Variants in LRP1 observed in about 807,000 individuals in gnomAD.
The protein encoded by LRP1 is prolow-density lipoprotein receptor-related protein 1.
Under a neutral mutation model 541.5 loss-of-function variants are expected in LRP1, and 51 were observed. That is an observed-to-expected ratio of 0.09 (90% CI 0.08 to 0.12). LRP1 has a LOEUF of 0.12. LRP1 is among the 10% of genes least tolerant of loss of function. The probability of loss-of-function intolerance (pLI) is 1.00; values close to 1 mark genes in which losing one functional copy is unlikely to be tolerated. For missense variants in LRP1, 3,878 were observed against 6,376.2 expected, an observed-to-expected ratio of 0.61 and a Z score of 13.34; for synonymous variants, 2,219 against 2,470.8, an observed-to-expected ratio of 0.90 and a Z score of 3.02.
chr12:57,184,757 C>A lies in LRP1; in HGVS notation c.6187-82C>A. 6.8e-7 allele frequency: 1 copy of A among 1,476,118 alleles called. No homozygotes were observed. Among genetic ancestry groups the A allele is most frequent in the Non-Finnish European group, 9.2e-7 (1 of 1,083,572 alleles). The allele number at this position is 1,476,118 out of a possible 1,614,324, so 91.4% of individuals were successfully genotyped here. ...GGCTGAACTGAGGGCCTCACTCTGG[C>A]CCAGGCACTCCCTGCTGCCCCAGAC... is the stretch of plus-strand genomic sequence containing the variant. On this transcript the variant is annotated intron_variant, in intron 38 of 88. Transcript: ENST00000243077. The surrounding 1 kb of genome is among the most constrained non-coding windows in gnomAD (Gnocchi z 7.8).
chr12:57,156,355 C>A lies in LRP1; in HGVS notation c.1417+72C>A. 1 of 1,482,916 alleles carries A rather than the reference C, an allele frequency of 6.7e-7. No individual in the cohort carries two copies. The highest frequency in any genetic ancestry group is 9.2e-7 in the Non-Finnish European group (1 of 1,089,144). 91.9% of individuals were successfully genotyped at this position (1,482,916 alleles called of 1,614,324 possible). Reference sequence around the variant, plus strand: ...TGGCTCTGGGACCTTGGGATCACAGCCCCTCTCTGGGCCCTCCTGTGGGGA... The same window carrying A: ...TGGCTCTGGGACCTTGGGATCACAGACCCTCTCTGGGCCCTCCTGTGGGGA... On this transcript the variant is annotated intron_variant, in intron 9 of 88. Coordinates refer to ENST00000243077, the MANE Select transcript of LRP1 (RefSeq NM_002332.3). The surrounding 1 kb of genome is among the most constrained non-coding windows in gnomAD (Gnocchi z 5.2).
Position 57,204,725 on chromosome 12 carries a change from G to A in LRP1, c.11170G>A (p.Asp3724Asn). The stretch of plus-strand genomic sequence containing the variant: ...ATGCGATGGCACGGACAACTGTGGG[G>A]ATGGGACTGATGAAGAGGACTGTGG... Reference protein sequence around the residue: ...RQCDGTDNCGDGTDEEDCEPP... With the variant: ...RQCDGTDNCGNGTDEEDCEPP... Residue 3724 changes from aspartate to asparagine, a missense_variant, in exon 72 of 89, where the codon GAT becomes AAT. Physicochemically the swap from Asp to Asn is conservative, Grantham distance 23 (BLOSUM62 1). Coordinates refer to ENST00000243077, the MANE Select transcript of LRP1 (RefSeq NM_002332.3). This position sits in a 1 kb window ranked among gnomAD's most constrained non-coding sequence, Gnocchi z 5.3. 1.2e-6 allele frequency: 2 copies of A among 1,614,080 alleles called. No individual in the cohort carries two copies. The highest frequency in any genetic ancestry group is 2.2e-5 in the South Asian group (2 of 91,088).
At position 57,195,116 on chromosome 12, in the gene LRP1, A is replaced by T; in HGVS notation, c.8308+15A>T. On this transcript the variant is annotated intron_variant, in intron 51 of 88. Transcript: ENST00000243077. ...TGCTCACTGTGGTAAGGAAGCTGGG[A>T]TTGGGCCGGGGGAGGTGCCCCAGGG... 1 of 1,610,792 alleles carries T rather than the reference A, an allele frequency of 6.2e-7. No individual in the cohort carries two copies. The highest frequency in any genetic ancestry group is 8.5e-7 in the Non-Finnish European group (1 of 1,177,292).
chr12:57,179,492 G>A lies in LRP1; in HGVS notation c.4902G>A (p.Val1634=). 1 of 1,614,216 alleles carries A rather than the reference G, an allele frequency of 6.2e-7. No homozygotes were observed. Among genetic ancestry groups the A allele is most frequent in the Non-Finnish European group, 8.5e-7 (1 of 1,180,030 alleles). The change falls in exon 29 of 89, where the codon GTG becomes GTA. Residue 1634 remains valine (V), a synonymous_variant. Coordinates refer to ENST00000243077, the MANE Select transcript of LRP1 (RefSeq NM_002332.3). The surrounding 1 kb of genome is among the most constrained non-coding windows in gnomAD (Gnocchi z 6.8). ...AGCAGCGTGTGTACTGGTCTGACGT[G>A]CGGACACAGGCCATCAAGCGGGCCT... ...AREQRVYWSD[V]RTQAIKRAFI... is the part of the protein sequence containing the mutation.
chr12:57,160,115 T>G (rs1365262144), intron 12 of LRP1, 110 bp downstream of exon 12: 7 of 1,094,718 alleles, frequency 6.4e-6, no homozygotes, highest in Non-Finnish European at 9.3e-6. Context: ...GGCGGGATAC[T>G]TTAGCAGGAA....
rs780761087 is a variant in LRP1 at position 57,145,454 on chromosome 12, G to A, written c.805G>A (p.Asp269Asn). The A allele has an allele frequency of 1.4e-5, 22 of 1,614,072 alleles. No homozygotes were observed. In the South Asian group the frequency reaches 2.2e-4, roughly 16 times the overall value. The change falls in exon 6 of 89, where the codon GAT becomes AAT. Residue 269 changes from aspartate to asparagine, a missense_variant. Transcript: ENST00000243077. ...CATGCCTGGCCTAAAGGGCTTCGTGGATGAGCACACCATCAACATCTCCCT... is the reference window on the plus strand; with the variant it reads ...CATGCCTGGCCTAAAGGGCTTCGTGAATGAGCACACCATCAACATCTCCCT... ...ARMPGLKGFV[D>N]EHTINISLSL...
rs1275670738 is a variant in LRP1 at position 57,200,491 on chromosome 12, C to A, written c.10064C>A (p.Thr3355Asn). The A allele has an allele frequency of 3.7e-6, 6 of 1,613,414 alleles. No homozygotes were observed. Among genetic ancestry groups the A allele is most frequent in the Admixed American group, 3.3e-5 (2 of 59,988 alleles). ...ATCCCCTTCTGGTGGAAGTGTGACA[C>A]CGAGGACGACTGCGGGGACCACTCA... ...KCIPFWWKCD[T>N]EDDCGDHSDE... is the part of the protein sequence containing the mutation. Residue 3355 changes from threonine (T) to asparagine (N), a missense_variant, in exon 63 of 89, where the codon ACC becomes AAC. By Grantham distance (65) the Thr-to-Asn change is moderately conservative. Around this residue, in one of 13 missense-constraint regions of LRP1, gnomAD observed 278 missense variants for 536.3 expected, o/e 0.52. Coordinates refer to ENST00000243077, the MANE Select transcript of LRP1 (RefSeq NM_002332.3).
Position 57,200,565 on chromosome 12 carries a change from C to T in LRP1, c.10108+30C>T, listed in dbSNP as rs200640614. 61 of 1,592,794 alleles carry T rather than the reference C, an allele frequency of 3.8e-5. No homozygotes were observed. The East Asian group carries it at 1.3e-3, about 34-fold the overall frequency. On this transcript the variant is annotated intron_variant, in intron 63 of 88. Transcript: ENST00000243077. ...GTGCCTGCTGGGGGTGACAGGAGGG[C>T]CCCCAGCTGTGTCGGAGGCCTGACT...
chr12:57,147,071 C>A (rs992050304), intron 6 of LRP1, among the ~76,000 whole-genome samples: 8 of 152,132 alleles, frequency 5.3e-5, no homozygotes, highest in Admixed American at 3.3e-4. Context: ...GGTACCCCTC[C>A]CTTGGCAAAC....
Position 57,203,381 on chromosome 12 carries a change from G to T in LRP1, c.10819-8G>T. On this transcript the variant is annotated splice_polypyrimidine_tract_variant and splice_region_variant and intron_variant, in intron 69 of 88. Coordinates refer to ENST00000243077, the MANE Select transcript of LRP1 (RefSeq NM_002332.3). ...GAGGTGACCGGCTGCCTGTGCCCAT[G>T]CCCACAGAAAGACTGCACCCCCCGC... is the stretch of plus-strand genomic sequence containing the variant. 1 of 1,602,016 alleles carries T rather than the reference G, an allele frequency of 6.2e-7. No homozygotes were observed. Among genetic ancestry groups the T allele is most frequent in the Non-Finnish European group, 8.5e-7 (1 of 1,172,020 alleles).
chr12:57,206,580 G>T lies in LRP1; in HGVS notation c.11698G>T (p.Val3900Phe), dbSNP rs1307955016. The part of the protein sequence containing the change: ...YEQAFQGDES[V>F]RIDAMDVHVK... ...GCAGGCATTCCAGGGTGACGAGAGT[G>T]TCCGCATTGATGCTATGGATGTCCA... Residue 3900 changes from valine (V) to phenylalanine (F), a missense_variant, in exon 76 of 89, where the codon GTC becomes TTC. By Grantham distance (50) the Val-to-Phe change is conservative. Transcript: ENST00000243077. This position sits in a 1 kb window ranked among gnomAD's most constrained non-coding sequence, Gnocchi z 4.7. 6.2e-7 allele frequency: 1 copy of T among 1,614,098 alleles called. No homozygotes were observed. The highest frequency in any genetic ancestry group is 1.3e-5 in the African/African-American group (1 of 74,932).
rs761124276 is a variant in LRP1, at chr12:57,205,245, C to CAT, written c.11332_11333dup (p.Asp3779SerfsTer5). 6.2e-7 allele frequency: 1 copy of CAT among 1,610,334 alleles called. No homozygotes were observed. On this transcript the variant is annotated frameshift_variant, in exon 73 of 89. Transcript: ENST00000243077. LOFTEE classifies it high-confidence loss of function. The surrounding 1 kb of genome is among the most constrained non-coding windows in gnomAD (Gnocchi z 4.6). ...ACGGCTCTGACGAGGAGGACTGCAG[C>CAT]ATCGGTGAGGCCCGGCAGCGGACCG...
rs369892185 is a variant in LRP1, at chr12:57,180,293, G to A, written c.5237-37G>A. 1.6e-5 allele frequency: 26 copies of A among 1,611,042 alleles called. 1 individual carries two copies. The highest frequency in any genetic ancestry group is 2.1e-5 in the Non-Finnish European group (25 of 1,177,790). On this transcript the variant is annotated intron_variant, in intron 31 of 88. Coordinates refer to ENST00000243077, the MANE Select transcript of LRP1 (RefSeq NM_002332.3). ...CTCCCTTCCCTGGATCCCCAGCCCT[G>A]GGCCAGACTCCCCGGCAGTGACTCC...
Position 57,185,037 on chromosome 12 carries a change from C to T in LRP1, c.6339-44C>T, listed in dbSNP as rs748218063. On this transcript the variant is annotated intron_variant, in intron 39 of 88. Transcript: ENST00000243077. The surrounding 1 kb of genome is among the most constrained non-coding windows in gnomAD (Gnocchi z 4.9). ...TCCTCAGCTGATCTCTTCCTTCCCTCCTGCCTCCACTGATGCCCTGCTTGT... is the reference window on the plus strand; with the variant it reads ...TCCTCAGCTGATCTCTTCCTTCCCTTCTGCCTCCACTGATGCCCTGCTTGT... The T allele has an allele frequency of 1.2e-6, 2 of 1,613,952 alleles. No individual in the cohort carries two copies. Among genetic ancestry groups the T allele is most frequent in the South Asian group, 1.1e-5 (1 of 91,074 alleles).
rs964711121 is a variant in LRP1 at position 57,201,680 on chromosome 12, G to A, written c.10468+61G>A. ...CAGTGTCTGCTGCTCACACCACCCC[G>A]ACGTGTGACCCCCTCAGTGGCTGCT... is the stretch of plus-strand genomic sequence containing the variant. On this transcript the variant is annotated intron_variant, in intron 66 of 88. Transcript: ENST00000243077. This position sits in a 1 kb window ranked among gnomAD's most constrained non-coding sequence, Gnocchi z 6.4. The A allele has an allele frequency of 8.0e-5, 128 of 1,595,890 alleles. 2 individuals carry two copies. The South Asian group carries it at 8.7e-4, about 11-fold the overall frequency.
In LRP1 at chr12:57,200,826, G is replaced by GCACCCCCC; in HGVS notation, c.10225+12_10225+13insACCCCCCC. ...ACGAGGCCAACTGTGGTAAGGCGCTGCCCGCCCACCCTCCCTCCTTCCCCA... is the reference window on the plus strand; with the variant it reads ...ACGAGGCCAACTGTGGTAAGGCGCTGCACCCCCCCCCGCCCACCCTCCCTCCTTCCCCA... On this transcript the variant is annotated intron_variant, in intron 64 of 88. Coordinates refer to ENST00000243077, the MANE Select transcript of LRP1 (RefSeq NM_002332.3). 2 of 1,581,438 alleles carry GCACCCCCC rather than the reference G, an allele frequency of 1.3e-6. No individual in the cohort carries two copies. The highest frequency in any genetic ancestry group is 1.1e-5 in the South Asian group (1 of 90,000).
chr12:57,146,915 A>G (rs1047718217), intron 6 of LRP1, among the ~76,000 whole-genome samples: 3 of 151,718 alleles, frequency 2.0e-5, no homozygotes, highest in Non-Finnish European at 4.4e-5. Context: ...CTGTCTGGGC[A>G]GACAGCTTGT....
At position 57,209,837 on chromosome 12, in the gene LRP1, G is replaced by A; in HGVS notation, c.12408G>A (p.Val4136=). The A allele has an allele frequency of 6.2e-7, 1 of 1,614,140 alleles. No homozygotes were observed. Among genetic ancestry groups the A allele is most frequent in the East Asian group, 2.2e-5 (1 of 44,868 alleles). Residue 4136 remains valine (V), a synonymous_variant, in exon 80 of 89, where the codon GTG becomes GTA. Coordinates refer to ENST00000243077, the MANE Select transcript of LRP1 (RefSeq NM_002332.3). Reference sequence around the variant, plus strand: ...GGGGCCTGAGCCACGCCTCTGACGTGGTCCTTTACCATCAGCACAAGCAGC... The same window carrying A: ...GGGGCCTGAGCCACGCCTCTGACGTAGTCCTTTACCATCAGCACAAGCAGC... ...LTGGLSHASD[V]VLYHQHKQPE...
intron 6 of LRP1, chr12:57,146,569 G>A (rs2035410816): frequency 6.6e-6 from 1 of 152,206 alleles, no homozygotes; most frequent in African/African-American, 2.4e-5. Flanking sequence ...TTCATTCTGG[G>A]AGAGAGAAAG....
Sources: allele counts gnomAD v4.1 joint callset (sites outside exome capture counted in the v4.1 genomes callset), GRCh38; gene constraint gnomAD v4.1.1; regional missense constraint gnomAD v4.1.1; non-coding constraint Gnocchi (gnomAD v3.1); transcripts MANE v1.5; gene names NCBI Gene and HGNC (gene_info 2026-07-23, HGNC 2026-07-21).